CNTNAP3: variants seen among roughly 807,000 people sequenced by gnomAD.
CNTNAP3 encodes contactin-associated protein-like 3.
A neutral mutation model predicts 92.1 loss-of-function variants in CNTNAP3; 36 were observed. The ratio of observed to expected loss-of-function variants is 0.39; its 90% CI spans 0.30 to 0.52. The LOEUF (loss-of-function observed/expected upper bound fraction) is 0.52, where lower values mean the gene tolerates loss of function less well. Among genes scored for constraint, CNTNAP3 ranks in the 20% least tolerant of loss-of-function variants. CNTNAP3 has a pLI of 0.76. For synonymous variants in CNTNAP3, 232 were observed against 422.3 expected (o/e 0.55, Z 5.53); for missense variants, 534 against 1,069.6 (o/e 0.50, Z 6.98).
At chr9:39,076,669 T>C (rs1387499962) in intron 23 of CNTNAP3, among the ~76,000 whole-genome samples, 6 of 152,254 alleles carry the variant, frequency 3.9e-5, no homozygotes, top group Admixed American at 3.9e-4. Flanking sequence ...AAGAATACAA[T>C]TAAGATTTCA....
chr9:39,112,205 T>C (rs1160248354), intron 14 of CNTNAP3, among the ~76,000 whole-genome samples: 2 of 151,762 alleles, frequency 1.3e-5, no homozygotes. Flanking sequence ...TTATTAGAAA[T>C]TCCTACGGTT....
chr9:39,148,648 GC>G (rs1174886315), intron 10 of CNTNAP3, among the ~76,000 whole-genome samples: 1 of 150,974 alleles, frequency 6.6e-6, no homozygotes, highest in African/African-American at 2.4e-5. Context: ...GCCTCAGCCT[GC>G]CGAGTAGCTG....
In CNTNAP3 at chr9:39,064,791, T is replaced by C. The variant is rs370250015; in HGVS notation, c.*9099A>G. Among the ~76,000 whole-genome samples the C allele has an allele frequency of 6.6e-6, 1 of 152,364 alleles. No homozygotes were observed. The highest frequency in any genetic ancestry group is 1.9e-4 in the East Asian group (1 of 5,140). ...AAAATACCACATTTTGACATTTGTATTGTACTGTGAAAGATTTATATGTAT... is the reference window on the plus strand; with the variant it reads ...AAAATACCACATTTTGACATTTGTACTGTACTGTGAAAGATTTATATGTAT... On this transcript the variant is annotated 3_prime_UTR_variant, in exon 24 of 24. Transcript: ENST00000297668.
At chr9:39,147,658 G>C (rs759090085) in intron 10 of CNTNAP3, among the ~76,000 whole-genome samples, 1 of 152,158 alleles carries the variant, frequency 6.6e-6, no homozygotes, top group Non-Finnish European at 1.5e-5. Flanking sequence ...ATGCTTAGTT[G>C]AGCATGTTTA....
chr9:39,109,153 T>G lies in CNTNAP3; in HGVS notation c.2365+7A>C, dbSNP rs772191767. 3.7e-6 allele frequency: 6 copies of G among 1,607,852 alleles called. No homozygotes were observed. The highest frequency in any genetic ancestry group is 5.1e-6 in the Non-Finnish European group (6 of 1,178,380). On this transcript the variant is annotated splice_region_variant and intron_variant, in intron 15 of 23. Coordinates refer to ENST00000297668, the MANE Select transcript of CNTNAP3 (RefSeq NM_033655.5). The stretch of plus-strand genomic sequence containing the variant: ...TGAAAATAAAGCTTTTTCTTGACAC[T>G]ACTTACGATCTCCGCGGCAGAGCAG...
chr9:39,116,987 AATTATT>A (rs56028908), intron 14 of CNTNAP3, among the ~76,000 whole-genome samples: 2 of 150,254 alleles, frequency 1.3e-5, no homozygotes, highest in African/African-American at 4.9e-5. Context: ...TTTATTTATT[AATTATT>A]ATTATTATTA....
intron 18 of CNTNAP3, among the ~76,000 whole-genome samples, chr9:39,094,912 A>G (rs533211917): frequency 6.6e-6 from 1 of 151,546 alleles, no homozygotes; most frequent in Admixed American, 6.6e-5. Flanking sequence ...ATTAGATTGA[A>G]TCTGCTGGGG....
intron 15 of CNTNAP3, among the ~76,000 whole-genome samples, chr9:39,107,334 G>A (rs1826631885): frequency 1.4e-5 from 2 of 144,262 alleles, no homozygotes; most frequent in South Asian, 4.8e-4. Flanking sequence ...AGGAAGGAAG[G>A]AGTATAAAAG....
In CNTNAP3 at chr9:39,080,443, A is replaced by G. The variant is rs1825906554; in HGVS notation, c.3443-1523T>C. ...CCAGCCACTCTGCTCCTTGGCTACG[A>G]ATCCACACTTCTCCTTGTTGTATTT... is the stretch of plus-strand genomic sequence containing the variant. On this transcript the variant is annotated intron_variant, in intron 21 of 23. Transcript: ENST00000297668. Among the ~76,000 whole-genome samples the G allele has an allele frequency of 1.5e-5, 2 of 135,746 alleles. 1 individual carries two copies. The highest frequency in any genetic ancestry group is 3.2e-5 in the Non-Finnish European group (2 of 63,070). 89.1% of individuals were successfully genotyped at this position (135,746 alleles called of 152,430 possible).
intron 12 of CNTNAP3, among the ~76,000 whole-genome samples, chr9:39,138,592 TC>T (rs1208761006): frequency 2.0e-5 from 3 of 152,184 alleles, no homozygotes; most frequent in Admixed American, 6.5e-5. Context: ...ACCTTCCCTT[TC>T]TGGAAGCATG....
intron 17 of CNTNAP3, among the ~76,000 whole-genome samples, chr9:39,101,530 C>G (rs1826455587): frequency 7.1e-6 from 1 of 140,294 alleles, no homozygotes; most frequent in Non-Finnish European, 1.6e-5. Flanking sequence ...GAGCTATCAC[C>G]TTTAAATAAA....
chr9:39,065,390 T>C lies in CNTNAP3; in HGVS notation c.*8500A>G, dbSNP rs1221602912. On this transcript the variant is annotated 3_prime_UTR_variant, in exon 24 of 24. Coordinates refer to ENST00000297668, the MANE Select transcript of CNTNAP3 (RefSeq NM_033655.5). ...GTCCATTTTCTTGTTGAAGGTCTTT[T>C]AGGCAGTTTACAGTTTGGGGATATT... Among the ~76,000 whole-genome samples the C allele has an allele frequency of 6.6e-6, 1 of 152,266 alleles. No homozygotes were observed.
intron 13 of CNTNAP3, among the ~76,000 whole-genome samples, chr9:39,120,550 G>A (rs1820993491): frequency 6.6e-6 from 1 of 151,914 alleles, no homozygotes. Flanking sequence ...GGAGCCTGTA[G>A]TCCCAGCTAC....
intron 10 of CNTNAP3, among the ~76,000 whole-genome samples, chr9:39,147,400 T>C (rs1031662659): frequency 2.0e-5 from 3 of 152,190 alleles, no homozygotes; most frequent in African/African-American, 7.2e-5. Context: ...AGGTATTTAA[T>C]TTTAACTCTG....
chr9:39,115,839 C>T (rs998876474), intron 14 of CNTNAP3, among the ~76,000 whole-genome samples: 1 of 151,800 alleles, frequency 6.6e-6, no homozygotes, highest in Admixed American at 6.6e-5. Context: ...GGGAGGGTCA[C>T]TCAATACAGG....
intron 12 of CNTNAP3, among the ~76,000 whole-genome samples, chr9:39,136,294 G>GAAATCCCC (rs1390068961): frequency 6.6e-6 from 1 of 152,040 alleles, no homozygotes; most frequent in Admixed American, 6.6e-5. Context: ...TATATCATAT[G>GAAATCCCC]AAATCCCCAG....
At position 39,145,073 on chromosome 9, in the gene CNTNAP3, T is replaced by G. The variant is rs1226453071; in HGVS notation, c.1650-727A>C. On this transcript the variant is annotated intron_variant, in intron 10 of 23. Transcript: ENST00000297668. ...GTTGGAGGTCTCACACTTTCAGAAT[T>G]CTTGGAATCTGCTGCCGCCCACTAT... is the stretch of plus-strand genomic sequence containing the variant. Among the ~76,000 whole-genome samples the G allele has an allele frequency of 2.1e-5, 3 of 139,670 alleles. 1 individual carries two copies. The highest frequency in any genetic ancestry group is 7.7e-5 in the African/African-American group (3 of 38,814). 91.6% of individuals were successfully genotyped at this position (139,670 alleles called of 152,430 possible). A position where few individuals can be genotyped will look rare whatever the true frequency, so the allele number is the denominator to read the frequency against.
intron 17 of CNTNAP3, 101 bp from the exon 18 acceptor site, chr9:39,100,251 A>C: frequency 2.0e-6 from 3 of 1,534,336 alleles, no homozygotes; most frequent in Non-Finnish European, 2.6e-6. Context: ...GGCAATAATC[A>C]CAATGTGTCA....
At chr9:39,084,338 G>A (rs1484766398) in intron 21 of CNTNAP3, among the ~76,000 whole-genome samples, 10 of 151,592 alleles carry the variant, frequency 6.6e-5, no homozygotes, top group South Asian at 2.1e-4. Context: ...GACTACAGGC[G>A]CCCGCCACCA....
Sources: gnomAD v4.1 joint callset for allele counts (sites outside exome capture counted in the v4.1 genomes callset) on GRCh38, gnomAD v4.1.1 for gene constraint, MANE v1.5 for transcripts, NCBI Gene and HGNC (gene_info 2026-07-23, HGNC 2026-07-21) for gene names.